The following ABCE1 variants were observed in gnomAD, a reference collection of about 807,000 sequenced individuals.
ABCE1 encodes the protein ATP-binding cassette sub-family E member 1.
In ABCE1, 22 loss-of-function variants were observed where a neutral mutation model predicts 83.4. The ratio of observed to expected loss-of-function variants is 0.26; its 90% confidence interval spans 0.19 to 0.38. ABCE1 has a LOEUF of 0.38. Ranked by LOEUF, ABCE1 falls within the 10% of genes least tolerant of loss-of-function variation. The probability of loss-of-function intolerance (pLI) is 1.00; values close to 1 mark genes in which losing one functional copy is unlikely to be tolerated. For synonymous variants in ABCE1, 204 were observed against 233.7 expected (o/e 0.87, Z 1.16); for missense variants, 330 against 721.9 (o/e 0.46, Z 6.22).
chr4:145,112,776 G>T (rs1749516637), intron 9 of ABCE1, among the ~76,000 whole-genome samples: 1 of 152,128 alleles, frequency 6.6e-6, no homozygotes, highest in Non-Finnish European at 1.5e-5. Flanking sequence ...GTGTTTATAG[G>T]GTGCTTTTGT....
chr4:145,099,906 TTTGTC>T (rs375853219), intron 1 of ABCE1, among the ~76,000 whole-genome samples: 183 of 152,304 alleles, frequency 1.2e-3, no homozygotes, highest in African/African-American at 3.8e-3. Context: ...TTTGAACACT[TTTGTC>T]TTCGAATCTG....
chr4:145,112,382 A>G lies in ABCE1; in HGVS notation c.800+54A>G, dbSNP rs373030797. 4.1e-4 allele frequency: 506 copies of G among 1,222,514 alleles called. 4 individuals carry two copies. The highest frequency in any genetic ancestry group is 9.5e-4 in the East Asian group (39 of 41,034). The allele number at this position is 1,222,514 out of a possible 1,614,324, so 75.7% of individuals were successfully genotyped here. A position where few individuals can be genotyped will look rare whatever the true frequency, so the allele number is the denominator to read the frequency against. Reference sequence around the variant, plus strand: ...TTGTTTTGTTTGGAGATTTTTACAGATTTCTAAGGATTAAACACTGGGACT... The same window carrying G: ...TTGTTTTGTTTGGAGATTTTTACAGGTTTCTAAGGATTAAACACTGGGACT... On this transcript the variant is annotated intron_variant, in intron 9 of 17. Transcript: ENST00000296577.
chr4:145,099,825 A>G (rs1429403358), intron 1 of ABCE1, among the ~76,000 whole-genome samples: 1 of 152,226 alleles, frequency 6.6e-6, no homozygotes, highest in African/African-American at 2.4e-5. Flanking sequence ...AAATGCTTCT[A>G]AGTATTCCTC....
intron 2 of ABCE1, 79 bp downstream of exon 2, chr4:145,104,594 A>G (rs894746567): frequency 3.2e-6 from 3 of 924,414 alleles, no homozygotes; most frequent in African/African-American, 3.5e-5. Context: ...CTTTACGGAC[A>G]TTAACATAAA....
chr4:145,124,804 CTATA>C lies in ABCE1; in HGVS notation c.1641-183_1641-180del, dbSNP rs375954329. ...CACAAAAATATTACAGCCAAGAAAA[CTATA>C]TAGTCCAAGCAAAGCTATTTCTGAA... On this transcript the variant is annotated intron_variant, in intron 16 of 17. Coordinates refer to ENST00000296577, the MANE Select transcript of ABCE1 (RefSeq NM_002940.3). Among the ~76,000 whole-genome samples, 618 of 151,814 alleles carry C rather than the reference CTATA, an allele frequency of 4.1e-3. 2 individuals carry two copies. The highest frequency in any genetic ancestry group is 6.3e-3 in the Non-Finnish European group (425 of 67,950).
chr4:145,119,915 A>G lies in ABCE1; in HGVS notation c.923-17A>G, dbSNP rs1749699189. ...GCTCTAATGATTTCTCCCGGTTGAC[A>G]ATTTTCTTCCCAACAGGCATAAACA... On this transcript the variant is annotated splice_polypyrimidine_tract_variant and intron_variant, in intron 10 of 17. Transcript: ENST00000296577. 2 of 1,600,074 alleles carry G rather than the reference A, an allele frequency of 1.2e-6. No homozygotes were observed. Among genetic ancestry groups the G allele is most frequent in the African/African-American group, 2.7e-5 (2 of 74,428 alleles).
At chr4:145,106,193 A>C (rs1364947849) in intron 3 of ABCE1, among the ~76,000 whole-genome samples, 1 of 151,996 alleles carries the variant, frequency 6.6e-6, no homozygotes, top group Non-Finnish European at 1.5e-5. Flanking sequence ...ATGAATGGTG[A>C]ATTTCCAACT....
At chr4:145,107,658 A>T (rs1326108121) in intron 3 of ABCE1, among the ~76,000 whole-genome samples, 1 of 152,176 alleles carries the variant, frequency 6.6e-6, no homozygotes, top group Non-Finnish European at 1.5e-5. Flanking sequence ...CCCCAACCAA[A>T]TGCCAATTGG....
At chr4:145,124,181 A>G (rs1361968193) in intron 16 of ABCE1, among the ~76,000 whole-genome samples, 2 of 152,208 alleles carry the variant, frequency 1.3e-5, no homozygotes, top group Non-Finnish European at 2.9e-5. Context: ...TAAAGCCTAT[A>G]TTATTAGATT....
At position 145,103,072 on chromosome 4, in the gene ABCE1, G is replaced by A. The variant is rs558420129; in HGVS notation, c.-27-1314G>A. Among the ~76,000 whole-genome samples, 4 of 152,234 alleles carry A rather than the reference G, an allele frequency of 2.6e-5. No individual in the cohort carries two copies. In the South Asian group the frequency reaches 8.3e-4, roughly 32 times the overall value. On this transcript the variant is annotated intron_variant, in intron 1 of 17. Transcript: ENST00000296577. ...AAGAATGAAAGGGAGTGATCTGGTG[G>A]TCACTACTAACTAAAGCAGTTAGAT...
chr4:145,098,612 G>T (rs1295822118), intron 1 of ABCE1, 193 bp downstream of exon 1: 1 of 152,198 alleles, frequency 6.6e-6, no homozygotes, highest in African/African-American at 2.4e-5. Context: ...GGGCGCCTCG[G>T]TCTTCCCCTC....
Position 145,128,346 on chromosome 4 carries a change from A to AT in ABCE1, c.*773_*774insT, listed in dbSNP as rs1749950401. 1 of 152,576 alleles carries AT rather than the reference A, an allele frequency of 6.6e-6. No homozygotes were observed. The highest frequency in any genetic ancestry group is 2.4e-5 in the African/African-American group (1 of 41,446). The allele number at this position is 152,576 out of a possible 1,614,324, so 9.5% of individuals were successfully genotyped here. ...ATATAATCACTGATTGAGATTTAGGAAAAAGCATTTCTAAAGAATATTTGC... is the reference window on the plus strand; with the variant it reads ...ATATAATCACTGATTGAGATTTAGGATAAAAGCATTTCTAAAGAATATTTGC... On this transcript the variant is annotated 3_prime_UTR_variant, in exon 18 of 18. Transcript: ENST00000296577.
chr4:145,101,103 A>G (rs1209063577), intron 1 of ABCE1, among the ~76,000 whole-genome samples: 1 of 152,170 alleles, frequency 6.6e-6, no homozygotes, highest in Non-Finnish European at 1.5e-5. Flanking sequence ...AGTATGTCAT[A>G]TAGTTGAGCT....
chr4:145,105,127 T>C (rs1226849328), intron 2 of ABCE1, among the ~76,000 whole-genome samples: 2 of 152,104 alleles, frequency 1.3e-5, no homozygotes, highest in African/African-American at 4.8e-5. Flanking sequence ...TATTCAGAAA[T>C]TCCATTATCC....
chr4:145,108,169 G>A, intron 4 of ABCE1, 57 bp downstream of exon 4: 1 of 1,490,584 alleles, frequency 6.7e-7, no homozygotes, highest in South Asian at 1.2e-5. Flanking sequence ...ATACATTTGG[G>A]ATTTTAAGAG....
At position 145,110,086 on chromosome 4, in the gene ABCE1, T is replaced by C; in HGVS notation, c.406-17T>C. The C allele has an allele frequency of 1.1e-6, 1 of 914,590 alleles. No homozygotes were observed. Among genetic ancestry groups the C allele is most frequent in the Non-Finnish European group, 1.5e-6 (1 of 672,104 alleles). The allele number at this position is 914,590 out of a possible 1,614,324, so 56.7% of individuals were successfully genotyped here. A position where few individuals can be genotyped will look rare whatever the true frequency, so the allele number is the denominator to read the frequency against. Reference sequence around the variant, plus strand: ...TTATTAAATTCACATGATTCTGTATTTTTTTTTTTTTTTTAGGATCCTCCT... The same window carrying C: ...TTATTAAATTCACATGATTCTGTATCTTTTTTTTTTTTTTAGGATCCTCCT... On this transcript the variant is annotated splice_polypyrimidine_tract_variant and intron_variant, in intron 5 of 17. Coordinates refer to ENST00000296577, the MANE Select transcript of ABCE1 (RefSeq NM_002940.3).
chr4:145,121,156 C>T lies in ABCE1; in HGVS notation c.1145-18C>T. 1 of 1,612,408 alleles carries T rather than the reference C, an allele frequency of 6.2e-7. No homozygotes were observed. Among genetic ancestry groups the T allele is most frequent in the Non-Finnish European group, 8.5e-7 (1 of 1,179,578 alleles). On this transcript the variant is annotated intron_variant, in intron 11 of 17. Transcript: ENST00000296577. ...TCAAGCATCTTTCAGATCAAACTGT[C>T]ATATGTTGTGTTGCCAGGAACGGGT... is the stretch of plus-strand genomic sequence containing the variant.
intron 1 of ABCE1, among the ~76,000 whole-genome samples, chr4:145,098,952 A>G (rs1237518037): frequency 1.3e-5 from 2 of 152,236 alleles, no homozygotes; most frequent in Non-Finnish European, 2.9e-5. Flanking sequence ...AATGATGCCC[A>G]CATGTCACTC....
chr4:145,112,746 G>A (rs1176996949), intron 9 of ABCE1, among the ~76,000 whole-genome samples: 3 of 152,142 alleles, frequency 2.0e-5, no homozygotes, highest in Non-Finnish European at 2.9e-5. Flanking sequence ...CATAACTTCT[G>A]TTAGTATTCA....
Sources: allele counts gnomAD v4.1 joint callset (sites outside exome capture counted in the v4.1 genomes callset), GRCh38; gene constraint gnomAD v4.1.1; transcripts MANE v1.5; gene names NCBI Gene and HGNC (gene_info 2026-07-23, HGNC 2026-07-21).